The following SKOR1 variants were observed in gnomAD, a reference collection of about 807,000 sequenced individuals.
SKOR1 encodes the protein LBX1 corepressor 1.
SKOR1 carries 38 observed loss-of-function variants against 72.4 expected under a neutral mutation model. The observed-to-expected ratio is 0.52, with a 90% confidence interval of 0.40 to 0.69. The LOEUF (loss-of-function observed/expected upper bound fraction) is 0.69. Ranked by LOEUF, SKOR1 falls within the 30% of genes least tolerant of loss-of-function variation. SKOR1 has a pLI of 0.00. For missense variants in SKOR1, 1,320 were observed against 1,343.2 expected (o/e 0.98, Z 0.27); for synonymous variants, 642 against 599.4 (o/e 1.07, Z -1.04).
At position 67,831,908 on chromosome 15, in the gene SKOR1, G is replaced by A. The variant is rs934777113; in HGVS notation, c.2588-366G>A. Among the ~76,000 whole-genome samples the A allele has an allele frequency of 1.6e-4, 24 of 148,120 alleles. 1 individual carries two copies. Among genetic ancestry groups the A allele is most frequent in the African/African-American group, 6.0e-4 (23 of 38,604 alleles). On this transcript the variant is annotated intron_variant, in intron 5 of 8. Coordinates refer to ENST00000380035, the MANE Select transcript of SKOR1 (RefSeq NM_001365915.1). ...ATATTGAAAGGGCGGCGGTGCGGGGGGGGGAGGTCGGGGCCGGGGCGGGGG... is the reference window on the plus strand; with the variant it reads ...ATATTGAAAGGGCGGCGGTGCGGGGAGGGGAGGTCGGGGCCGGGGCGGGGG...
chr15:67,828,236 T>A, intron 2 of SKOR1, 92 bp downstream of exon 2: 3 of 1,358,522 alleles, frequency 2.2e-6, no homozygotes, highest in Non-Finnish European at 2.8e-6. Flanking sequence ...GGAATTTTGT[T>A]CCGCGCAGGC....
At chr15:67,829,873 G>A (rs954254223) in intron 3 of SKOR1, among the ~76,000 whole-genome samples, 3 of 151,212 alleles carry the variant, frequency 2.0e-5, no homozygotes, top group Non-Finnish European at 4.4e-5. Flanking sequence ...GGACAGACCC[G>A]GCGGCCACGC....
chr15:67,829,114 G>C, intron 2 of SKOR1, 65 bp from the exon 3 acceptor site: 2 of 1,419,586 alleles, frequency 1.4e-6, no homozygotes. Context: ...GCGGGGTAGG[G>C]CTGGGCGTCT....
intron 3 of SKOR1, 118 bp from the exon 4 acceptor site, chr15:67,830,073 A>C: frequency 4.0e-6 from 4 of 990,518 alleles, no homozygotes; most frequent in Non-Finnish European, 6.1e-6. Flanking sequence ...ACAGCCGGGA[A>C]CCAGAGGCGG....
Position 67,833,182 on chromosome 15 carries a change from T to G in SKOR1, c.2738-10T>G, listed in dbSNP as rs1246512104. On this transcript the variant is annotated splice_polypyrimidine_tract_variant and intron_variant, in intron 7 of 8. Coordinates refer to ENST00000380035, the MANE Select transcript of SKOR1 (RefSeq NM_001365915.1). This position sits in a 1 kb window ranked among gnomAD's most constrained non-coding sequence, Gnocchi z 6.0. Reference sequence around the variant, plus strand: ...GCGTTTCCTCACTGGCCCCTCCCCTTGTCTTCCAGATACCCTGTGTAACGA... The same window carrying G: ...GCGTTTCCTCACTGGCCCCTCCCCTGGTCTTCCAGATACCCTGTGTAACGA... 6.2e-7 allele frequency: 1 copy of G among 1,613,882 alleles called. No homozygotes were observed. Among genetic ancestry groups the G allele is most frequent in the East Asian group, 2.2e-5 (1 of 44,880 alleles).
chr15:67,825,540 C>A lies in SKOR1; in HGVS notation c.-63C>A. The A allele has an allele frequency of 1.4e-6, 1 of 720,282 alleles. No individual in the cohort carries two copies. The highest frequency in any genetic ancestry group is 2.0e-5 in the Admixed American group (1 of 51,056). The allele number at this position is 720,282 out of a possible 1,614,324, so 44.6% of individuals were successfully genotyped here. A position where few individuals can be genotyped will look rare whatever the true frequency, so the allele number is the denominator to read the frequency against. Reference sequence around the variant, plus strand: ...CGGGCTTCAGGACCCGGGCCGGCAGCACCGGCTGCGAGGGTTGCCGAAGGC... The same window carrying A: ...CGGGCTTCAGGACCCGGGCCGGCAGAACCGGCTGCGAGGGTTGCCGAAGGC... On this transcript the variant is annotated 5_prime_UTR_variant, in exon 1 of 9. Coordinates refer to ENST00000380035, the MANE Select transcript of SKOR1 (RefSeq NM_001365915.1). The surrounding 1 kb of genome is among the most constrained non-coding windows in gnomAD (Gnocchi z 5.6).
At chr15:67,829,843 G>A (rs1031191261) in intron 3 of SKOR1, among the ~76,000 whole-genome samples, 1 of 152,212 alleles carries the variant, frequency 6.6e-6, no homozygotes, top group Non-Finnish European at 1.5e-5. Flanking sequence ...CCTGGGCCGC[G>A]TTCTCAGCAG....
At chr15:67,831,910 G>GGAGGGGGGC (rs2091010963) in intron 5 of SKOR1, among the ~76,000 whole-genome samples, 1 of 147,382 alleles carries the variant, frequency 6.8e-6, no homozygotes, top group African/African-American at 2.6e-5. Flanking sequence ...GTGCGGGGGG[G>GGAGGGGGGC]GGAGGTCGGG....
Position 67,827,481 on chromosome 15 carries a change from G to A in SKOR1, c.1653G>A (p.Glu551=). Residue 551 remains glutamate, a synonymous_variant, in exon 2 of 9, where the codon GAG becomes GAA. Coordinates refer to ENST00000380035, the MANE Select transcript of SKOR1 (RefSeq NM_001365915.1). ...PAKESGLGAE[E]RCPSALSRGP... is the part of the protein sequence containing the mutation. ...AAGAGAGTGGCCTCGGCGCGGAGGA[G>A]CGCTGCCCGAGCGCTCTGTCCCGCG... The A allele has an allele frequency of 6.6e-7, 1 of 1,521,882 alleles. No homozygotes were observed. Among genetic ancestry groups the A allele is most frequent in the South Asian group, 1.2e-5 (1 of 82,828 alleles). 94.3% of individuals were successfully genotyped at this position (1,521,882 alleles called of 1,614,324 possible).
In SKOR1 at chr15:67,833,310, G is replaced by T; in HGVS notation, c.2803+53G>T. On this transcript the variant is annotated intron_variant, in intron 8 of 8. Coordinates refer to ENST00000380035, the MANE Select transcript of SKOR1 (RefSeq NM_001365915.1). The surrounding 1 kb of genome is among the most constrained non-coding windows in gnomAD (Gnocchi z 6.0). The stretch of plus-strand genomic sequence containing the variant: ...AGGGGTGCTGGGTGCCGGCCGTGCT[G>T]TCGACTGAATGAATGAATAGTGGGA... 1 of 1,578,866 alleles carries T rather than the reference G, an allele frequency of 6.3e-7. No individual in the cohort carries two copies. Among genetic ancestry groups the T allele is most frequent in the African/African-American group, 1.3e-5 (1 of 74,358 alleles).
In SKOR1 at chr15:67,827,203, A is replaced by G. The variant is rs1313980268; in HGVS notation, c.1375A>G (p.Met459Val). The G allele has an allele frequency of 2.8e-6, 4 of 1,454,274 alleles. No individual in the cohort carries two copies. The highest frequency in any genetic ancestry group is 5.6e-5 in the East Asian group (2 of 36,022). The allele number at this position is 1,454,274 out of a possible 1,614,324, so 90.1% of individuals were successfully genotyped here. A position where few individuals can be genotyped will look rare whatever the true frequency, so the allele number is the denominator to read the frequency against. Residue 459 changes from methionine (M) to valine (V), a missense_variant, in exon 2 of 9, where the codon ATG becomes GTG. This residue lies in a region of SKOR1 where 1,099 missense variants were observed against 1,025.5 expected (regional missense o/e 1.07). Coordinates refer to ENST00000380035, the MANE Select transcript of SKOR1 (RefSeq NM_001365915.1). Reference sequence around the variant, plus strand: ...AGGGGCGGGCCCGGGCGGCGGCGCCATGTTCTGGGGGCATCAACCCTCCGG... The same window carrying G: ...AGGGGCGGGCCCGGGCGGCGGCGCCGTGTTCTGGGGGCATCAACCCTCCGG... ...GAGAGPGGGA[M>V]FWGHQPSGAA...
At position 67,826,109 on chromosome 15, in the gene SKOR1, G is replaced by C; in HGVS notation, c.281G>C (p.Gly94Ala). The change falls in exon 2 of 9, where the codon GGC becomes GCC. Residue 94 changes from glycine (G) to alanine (A), a missense_variant. Physicochemically the swap from Gly to Ala is moderately conservative, Grantham distance 60. This residue lies in a region of SKOR1 where 120 missense variants were observed against 104.9 expected (regional missense o/e 1.14). Coordinates refer to ENST00000380035, the MANE Select transcript of SKOR1 (RefSeq NM_001365915.1). ...GVPIVSLVID[G>A]QERLCLAQIS... is the part of the protein sequence containing the mutation. ...CCCATTGTGTCGCTGGTCATCGACGGCCAGGAGCGCCTATGCCTGGCGCAG... is the reference window on the plus strand; with the variant it reads ...CCCATTGTGTCGCTGGTCATCGACGCCCAGGAGCGCCTATGCCTGGCGCAG... The C allele has an allele frequency of 2.5e-6, 4 of 1,599,936 alleles. No individual in the cohort carries two copies. The highest frequency in any genetic ancestry group is 3.4e-6 in the Non-Finnish European group (4 of 1,170,282).
intron 3 of SKOR1, among the ~76,000 whole-genome samples, chr15:67,829,849 A>G (rs2090994843): frequency 6.6e-6 from 1 of 152,218 alleles, no homozygotes; most frequent in Non-Finnish European, 1.5e-5. Flanking sequence ...CCGCGTTCTC[A>G]GCAGGAGTCG....
At chr15:67,829,980 G>A (rs1396873868) in intron 3 of SKOR1, among the ~76,000 whole-genome samples, 2 of 152,170 alleles carry the variant, frequency 1.3e-5, no homozygotes. Context: ...GCTGGGGCGG[G>A]GGCCTGAAGC....
intron 5 of SKOR1, 89 bp downstream of exon 5, chr15:67,830,978 G>A (rs2091004380): frequency 3.0e-6 from 4 of 1,355,862 alleles, no homozygotes; most frequent in Non-Finnish European, 4.2e-6. Flanking sequence ...TAGGGGGTGA[G>A]TGTGGAAAAG....
In SKOR1 at chr15:67,826,681, G is replaced by A. The variant is rs1399132973; in HGVS notation, c.853G>A (p.Gly285Ser). ...TRKRTFSLQG[G>S]GGGGANGGSG... ...CAAGCGGACCTTCTCCCTACAAGGA[G>A]GCGGCGGAGGCGGTGCCAATGGCGG... Residue 285 changes from glycine (G) to serine (S), a missense_variant, in exon 2 of 9, where the codon GGC (glycine) becomes AGC (serine). This residue lies in a region of SKOR1 where 1,099 missense variants were observed against 1,025.5 expected (regional missense o/e 1.07). Coordinates refer to ENST00000380035, the MANE Select transcript of SKOR1 (RefSeq NM_001365915.1). 2.5e-5 allele frequency: 39 copies of A among 1,578,144 alleles called. 1 individual carries two copies. Among genetic ancestry groups the A allele is most frequent in the Admixed American group, 3.6e-5 (2 of 55,300 alleles).
chr15:67,832,601 G>T lies in SKOR1; in HGVS notation c.2663-6G>T. The T allele has an allele frequency of 6.2e-7, 1 of 1,613,464 alleles. No homozygotes were observed. Among genetic ancestry groups the T allele is most frequent in the Non-Finnish European group, 8.5e-7 (1 of 1,179,614 alleles). On this transcript the variant is annotated splice_polypyrimidine_tract_variant and splice_region_variant and intron_variant, in intron 6 of 8. Transcript: ENST00000380035. This position sits in a 1 kb window ranked among gnomAD's most constrained non-coding sequence, Gnocchi z 4.5. Reference sequence around the variant, plus strand: ...GTAACAGCTCTCACTTAATCAATTTGCACAGATAATTTTCAGGATCAAATG... The same window carrying T: ...GTAACAGCTCTCACTTAATCAATTTTCACAGATAATTTTCAGGATCAAATG...
chr15:67,830,055 C>T, intron 3 of SKOR1, 136 bp from the exon 4 acceptor site: 2 of 859,308 alleles, frequency 2.3e-6, no homozygotes, highest in South Asian at 3.2e-5. Context: ...GGGCGCGCTC[C>T]TGGGCGCACA....
rs564152534 is a variant in SKOR1, at chr15:67,832,373, C to T, written c.2662+25C>T. ...GGTACCCACTGCCATCCTGCCTCAC[C>T]CCACCTCATCACCGAGCCTTCCACC... is the stretch of plus-strand genomic sequence containing the variant. On this transcript the variant is annotated intron_variant, in intron 6 of 8. Coordinates refer to ENST00000380035, the MANE Select transcript of SKOR1 (RefSeq NM_001365915.1). This position sits in a 1 kb window ranked among gnomAD's most constrained non-coding sequence, Gnocchi z 4.5. 30 of 1,611,758 alleles carry T rather than the reference C, an allele frequency of 1.9e-5. No homozygotes were observed. The South Asian group carries it at 3.2e-4, about 17-fold the overall frequency.
Sources: gnomAD v4.1 joint callset for allele counts (sites outside exome capture counted in the v4.1 genomes callset) on GRCh38, gnomAD v4.1.1 for gene constraint, gnomAD v4.1.1 regional missense constraint, Gnocchi (gnomAD v3.1) non-coding constraint, MANE v1.5 for transcripts, NCBI Gene and HGNC (gene_info 2026-07-23, HGNC 2026-07-21) for gene names.